RALA: variants seen among roughly 807,000 people sequenced by gnomAD.
RALA encodes the protein ras-related protein Ral-A.
In RALA, 5 loss-of-function variants were observed where a neutral mutation model predicts 24.0. That is an observed-to-expected ratio of 0.21 (90% CI 0.11 to 0.44). The LOEUF (loss-of-function observed/expected upper bound fraction) is 0.44, where lower values mean the gene tolerates loss of function less well. Ranked by LOEUF, RALA falls within the 20% of genes least tolerant of loss-of-function variation. The pLI, the probability that RALA is intolerant of heterozygous loss-of-function variation, is 0.99. For missense variants in RALA, 95 were observed against 241.2 expected (o/e 0.39, Z 4.01); for synonymous variants, 77 against 83.8 (o/e 0.92, Z 0.44).
At chr7:39,700,377 G>T (rs1437220214) in intron 4 of RALA, 1 of 152,204 alleles carries the variant, frequency 6.6e-6, no homozygotes, top group African/African-American at 2.4e-5. Context: ...CACATGTCTG[G>T]CTCAGCCAGA....
chr7:39,687,383 C>T (rs1360480837), intron 2 of RALA, among the ~76,000 whole-genome samples: 11 of 151,450 alleles, frequency 7.3e-5, no homozygotes, highest in Admixed American at 4.6e-4. Context: ...GCCGAGATCG[C>T]GCCACTGCAC....
intron 4 of RALA, among the ~76,000 whole-genome samples, chr7:39,698,779 G>A (rs566104927): frequency 5.3e-5 from 8 of 152,216 alleles, no homozygotes; most frequent in African/African-American, 1.9e-4. Flanking sequence ...CAGAGGCCCT[G>A]GGAAGTATGG....
At chr7:39,687,990 C>T (rs1439910033) in intron 2 of RALA, among the ~76,000 whole-genome samples, 3 of 152,018 alleles carry the variant, frequency 2.0e-5, no homozygotes, top group African/African-American at 4.8e-5. Flanking sequence ...TTGCCCAGGG[C>T]GATCCTCCCA....
intron 3 of RALA, among the ~76,000 whole-genome samples, chr7:39,696,302 A>G (rs1452425675): frequency 6.6e-6 from 1 of 152,234 alleles, no homozygotes; most frequent in African/African-American, 2.4e-5. Context: ...TCATGAGGAA[A>G]ACATCTGACA....
At chr7:39,624,410 G>A (rs1236512264) in intron 1 of RALA, 1 of 151,450 alleles carries the variant, frequency 6.6e-6, no homozygotes, top group African/African-American at 2.4e-5. Context: ...CGCTTGCACA[G>A]CTTTAGCCCA....
At chr7:39,693,877 C>T (rs1792873583) in intron 3 of RALA, among the ~76,000 whole-genome samples, 1 of 152,218 alleles carries the variant, frequency 6.6e-6, no homozygotes, top group Admixed American at 6.5e-5. Flanking sequence ...TTTACTTTCT[C>T]TGTGGCCCAT....
intron 1 of RALA, among the ~76,000 whole-genome samples, chr7:39,667,604 C>A (rs1236165079): frequency 6.6e-6 from 1 of 152,176 alleles, no homozygotes; most frequent in South Asian, 2.1e-4. Flanking sequence ...GAACAGAGGG[C>A]AGAAGAGATG....
chr7:39,680,156 G>C (rs1394587935), intron 1 of RALA, among the ~76,000 whole-genome samples: 1 of 152,014 alleles, frequency 6.6e-6, no homozygotes, highest in African/African-American at 2.4e-5. Context: ...GATCACCTGA[G>C]GTCGGGAGTT....
intron 1 of RALA, among the ~76,000 whole-genome samples, chr7:39,626,920 G>A (rs1791499003): frequency 1.3e-5 from 2 of 152,150 alleles, no homozygotes; most frequent in Non-Finnish European, 2.9e-5. Context: ...TTTTCTCTGG[G>A]TTTAAGATGG....
chr7:39,670,916 C>G (rs1037561910), intron 1 of RALA, among the ~76,000 whole-genome samples: 2 of 151,978 alleles, frequency 1.3e-5, no homozygotes, highest in African/African-American at 2.4e-5. Context: ...TACAGTAACT[C>G]TTCTCTCCCC....
intron 1 of RALA, among the ~76,000 whole-genome samples, chr7:39,655,859 G>T (rs1048928932): frequency 6.6e-6 from 1 of 152,040 alleles, no homozygotes; most frequent in African/African-American, 2.4e-5. Flanking sequence ...TCAGGATCAA[G>T]GCATATAAGG....
At chr7:39,660,895 A>G (rs1792174931) in intron 1 of RALA, among the ~76,000 whole-genome samples, 1 of 152,216 alleles carries the variant, frequency 6.6e-6, no homozygotes, top group Non-Finnish European at 1.5e-5. Context: ...CATGCATACT[A>G]TATTAGTCTG....
intron 2 of RALA, among the ~76,000 whole-genome samples, chr7:39,688,761 G>A (rs540706553): frequency 1.2e-4 from 18 of 152,112 alleles, no homozygotes; most frequent in Admixed American, 3.3e-4. Flanking sequence ...TTTTTGTAGC[G>A]ACGGGGTGTA....
chr7:39,681,408 T>A (rs1792601148), intron 1 of RALA, among the ~76,000 whole-genome samples: 1 of 136,480 alleles, frequency 7.3e-6, no homozygotes, highest in Non-Finnish European at 1.5e-5. Flanking sequence ...CACTGGAGCC[T>A]CCCGGGTTCA....
At position 39,648,857 on chromosome 7, in the gene RALA, T is replaced by A. The variant is rs114025310; in HGVS notation, c.-38+25032T>A. On this transcript the variant is annotated intron_variant, in intron 1 of 4. Coordinates refer to ENST00000005257, the MANE Select transcript of RALA (RefSeq NM_005402.4). ...AGCGGATCACTTGAGCCCAAGAGTTTGAGACAGTAGAGGCAATAAGTCAAA... is the reference window on the plus strand; with the variant it reads ...AGCGGATCACTTGAGCCCAAGAGTTAGAGACAGTAGAGGCAATAAGTCAAA... Among the ~76,000 whole-genome samples, 1,033 of 152,124 alleles carry A rather than the reference T, an allele frequency of 6.8e-3. 15 individuals carry two copies. The highest frequency in any genetic ancestry group is 0.024 in the African/African-American group (977 of 41,510).
chr7:39,662,797 G>A (rs1049421673), intron 1 of RALA, among the ~76,000 whole-genome samples: 5 of 152,064 alleles, frequency 3.3e-5, no homozygotes, highest in African/African-American at 9.7e-5. Flanking sequence ...TTCCAAAGTC[G>A]CTTCCACATT....
Position 39,701,024 on chromosome 7 carries a change from G to A in RALA, c.498+4165G>A, listed in dbSNP as rs1348799932. On this transcript the variant is annotated intron_variant, in intron 4 of 4. Coordinates refer to ENST00000005257, the MANE Select transcript of RALA (RefSeq NM_005402.4). ...TTATAAGAGCCAGGCACTGTGGTAA[G>A]TACCAACCATTTAATCCTTAATTGT... 2.0e-5 allele frequency: 3 copies of A among 152,336 alleles called. No individual in the cohort carries two copies. The South Asian group carries it at 6.2e-4, about 32-fold the overall frequency. The allele number at this position is 152,336 out of a possible 1,614,324, so 9.4% of individuals were successfully genotyped here. A position where few individuals can be genotyped will look rare whatever the true frequency, so the allele number is the denominator to read the frequency against.
At position 39,686,798 on chromosome 7, in the gene RALA, T is replaced by C. The variant is rs1279224932; in HGVS notation, c.114+17T>C. On this transcript the variant is annotated intron_variant, in intron 2 of 4. Coordinates refer to ENST00000005257, the MANE Select transcript of RALA (RefSeq NM_005402.4). ...TACGATGAGGTAAGTGCTAATTTTA[T>C]AATGGATCAAAGTTTAGGCTTTCAG... The C allele has an allele frequency of 6.4e-7, 1 of 1,572,000 alleles. No individual in the cohort carries two copies. The highest frequency in any genetic ancestry group is 1.1e-5 in the South Asian group (1 of 90,106).
At chr7:39,703,441 T>G (rs1793064213) in intron 4 of RALA, 2 of 152,368 alleles carry the variant, frequency 1.3e-5, no homozygotes, top group South Asian at 4.1e-4. Flanking sequence ...CCGTTTATGC[T>G]CCTTCATGTT....
Sources: gnomAD v4.1 joint callset for allele counts (sites outside exome capture counted in the v4.1 genomes callset) on GRCh38, gnomAD v4.1.1 for gene constraint, MANE v1.5 for transcripts, NCBI Gene and HGNC (gene_info 2026-07-23, HGNC 2026-07-21) for gene names.